Variants in NSDHL observed in about 807,000 individuals in gnomAD.
NSDHL encodes the protein sterol-4-alpha-carboxylate 3-dehydrogenase, decarboxylating.
NSDHL carries 1 observed loss-of-function variant against 23.0 expected under a neutral mutation model. That is an observed-to-expected ratio of 0.04 (90% CI 0.02 to 0.21). The LOEUF is 0.21. Ranked by LOEUF, NSDHL falls within the 10% of genes least tolerant of loss-of-function variation. The pLI is 1.00. For missense variants in NSDHL, 237 were observed against 300.9 expected, an observed-to-expected ratio of 0.79 and a Z score of 1.57; for synonymous variants, 128 against 121.1, an observed-to-expected ratio of 1.06 and a Z score of -0.37.
At chrX:152,868,085 T>C (rs1235472748) in intron 7 of NSDHL, among the ~76,000 whole-genome samples, 1 of 110,521 alleles carries the variant, frequency 9.0e-6, no homozygotes, top group East Asian at 2.8e-4. Flanking sequence ...CCTCTGCCGT[T>C]TCCCCACTGA....
Position 152,865,887 on chromosome X carries a change from C to T in NSDHL, c.612C>T (p.Phe204=), listed in dbSNP as rs782252634. 8.6e-5 allele frequency: 104 copies of T among 1,211,020 alleles called. 1 individual carries two copies. In the South Asian group the frequency reaches 1.6e-3, roughly 19 times the overall value. ...CAGCCATCCGCCCTCATGGCATTTT[C>T]GGCCCAAGGGACCCGCAGTTGGTAC... ...LTTAIRPHGI[F]GPRDPQLVPI... Residue 204 remains phenylalanine, a synonymous_variant, in exon 6 of 8, where the codon TTC becomes TTT. Coordinates refer to ENST00000370274, the MANE Select transcript of NSDHL (RefSeq NM_015922.3).
chrX:152,840,558 G>C (rs891984879), intron 1 of NSDHL, among the ~76,000 whole-genome samples: 2 of 112,224 alleles, frequency 1.8e-5, no homozygotes, highest in Admixed American at 1.9e-4. Flanking sequence ...TAACAGTCAG[G>C]TCACTCAGCT....
chrX:152,869,241 A>G lies in NSDHL; in HGVS notation c.*125A>G. The G allele has an allele frequency of 1.7e-6, 1 of 583,181 alleles. No homozygotes were observed. The highest frequency in any genetic ancestry group is 2.9e-6 in the Non-Finnish European group (1 of 348,050). The allele number at this position is 583,181 out of a possible 1,213,427, so 48.1% of individuals were successfully genotyped here. A position where few individuals can be genotyped will look rare whatever the true frequency, so the allele number is the denominator to read the frequency against. The stretch of plus-strand genomic sequence containing the variant: ...GCCTGTGACTCCTTCTGCTAGGCAG[A>G]GAGCGCACCCTACTCTTTCCGTGAC... On this transcript the variant is annotated 3_prime_UTR_variant, in exon 8 of 8. Coordinates refer to ENST00000370274, the MANE Select transcript of NSDHL (RefSeq NM_015922.3).
Position 152,869,087 on chromosome X carries a change from A to G in NSDHL, c.1093A>G (p.Ser365Gly). The G allele has an allele frequency of 8.3e-7, 1 of 1,211,534 alleles. No individual in the cohort carries two copies. The highest frequency in any genetic ancestry group is 1.1e-6 in the Non-Finnish European group (1 of 895,127). Residue 365 changes from serine (S) to glycine (G), a missense_variant, in exon 8 of 8, where the codon AGC becomes GGC. Physicochemically the swap from Ser to Gly is moderately conservative, Grantham distance 56 (BLOSUM62 0). This residue lies in a region of NSDHL where 117 missense variants were observed against 99.5 expected (regional missense o/e 1.18). Coordinates refer to ENST00000370274, the MANE Select transcript of NSDHL (RefSeq NM_015922.3). ...TGATGCTATGGAGAGGACCGTGCAGAGCTTTCGCCACCTGCGGAGGGTCAA... is the reference window on the plus strand; with the variant it reads ...TGATGCTATGGAGAGGACCGTGCAGGGCTTTCGCCACCTGCGGAGGGTCAA... Reference protein sequence around the residue: ...MDDAMERTVQSFRHLRRVK With the variant: ...MDDAMERTVQGFRHLRRVK
chrX:152,868,816 T>C lies in NSDHL; in HGVS notation c.822T>C (p.Pro274=). The C allele has an allele frequency of 8.3e-7, 1 of 1,211,449 alleles. No individual in the cohort carries two copies. Among genetic ancestry groups the C allele is most frequent in the Non-Finnish European group, 1.1e-6 (1 of 895,173 alleles). The change falls in exon 8 of 8, where the codon CCT becomes CCC. Residue 274 remains proline, a synonymous_variant. Coordinates refer to ENST00000370274, the MANE Select transcript of NSDHL (RefSeq NM_015922.3). The stretch of plus-strand genomic sequence containing the variant: ...ACATCACCAATGATGAGCCCATCCC[T>C]TTCTGGACATTCCTGTCTCGCATCC... The part of the protein sequence containing the change: ...AFHITNDEPI[P]FWTFLSRILT...
intron 3 of NSDHL, among the ~76,000 whole-genome samples, chrX:152,853,128 C>CGTGTGTGTGTGTGTGT (rs35307183): frequency 2.3e-3 from 226 of 97,155 alleles, no homozygotes; most frequent in African/African-American, 8.0e-3. Flanking sequence ...CTCTCAGGCA[C>CGTGTGTGTGTGTGTGT]GTGTGTGTGT....
At chrX:152,854,433 T>C (rs1007930997) in intron 3 of NSDHL, among the ~76,000 whole-genome samples, 2 of 110,016 alleles carry the variant, frequency 1.8e-5, no homozygotes, top group Non-Finnish European at 3.8e-5. Flanking sequence ...ATTTTTATTT[T>C]TTTAGACATA....
chrX:152,842,211 T>G (rs1292036920), intron 1 of NSDHL, among the ~76,000 whole-genome samples: 1 of 111,932 alleles, frequency 8.9e-6, no homozygotes, highest in Non-Finnish European at 1.9e-5. Context: ...TGCTTTTAGT[T>G]TTTGGGGGTA....
chrX:152,856,065 C>A (rs1556846921), intron 3 of NSDHL, among the ~76,000 whole-genome samples: 1 of 111,637 alleles, frequency 9.0e-6, no homozygotes, highest in African/African-American at 3.3e-5. Context: ...TAGTAGAAAC[C>A]ATGTTTATGG....
At chrX:152,861,444 G>A (rs782166037) in intron 4 of NSDHL, among the ~76,000 whole-genome samples, 55 of 112,877 alleles carry the variant, frequency 4.9e-4, no homozygotes, top group Non-Finnish European at 8.2e-4. Context: ...TCAGTGTACC[G>A]TAGATAAATC....
At chrX:152,838,740 A>G (rs1556844497) in intron 1 of NSDHL, among the ~76,000 whole-genome samples, 1 of 111,799 alleles carries the variant, frequency 8.9e-6, no homozygotes, top group African/African-American at 3.3e-5. Context: ...TTTTGGAATA[A>G]GTGTGATGTG....
In NSDHL at chrX:152,846,967, G is replaced by T. The variant is rs932479281; in HGVS notation, c.108+535G>T. Among the ~76,000 whole-genome samples the T allele has an allele frequency of 1.8e-4, 20 of 112,446 alleles. 2 individuals carry two copies. Among genetic ancestry groups the T allele is most frequent in the East Asian group, 1.7e-3 (6 of 3,592 alleles). ...TCCTGGAGATTCTTCACATCAGTCT[G>T]CAAAGGTTTGCTTTGATTGATTCTT... On this transcript the variant is annotated intron_variant, in intron 2 of 7. Coordinates refer to ENST00000370274, the MANE Select transcript of NSDHL (RefSeq NM_015922.3).
chrX:152,867,407 C>T (rs1368098546), intron 6 of NSDHL, among the ~76,000 whole-genome samples, 164 bp from the exon 7 acceptor site: 2 of 112,460 alleles, frequency 1.8e-5, no homozygotes, highest in Non-Finnish European at 3.8e-5. Context: ...CAGTGTACAT[C>T]TTTAACCAGT....
At chrX:152,831,179 G>T (rs1248965521) in intron 1 of NSDHL, 62 bp downstream of exon 1, 1 of 296,609 alleles carries the variant, frequency 3.4e-6, no homozygotes, top group African/African-American at 2.8e-5. Context: ...AGTGCGGGAG[G>T]GTGGGGAGCT....
chrX:152,836,253 G>T (rs948324284), intron 1 of NSDHL, among the ~76,000 whole-genome samples: 5 of 112,082 alleles, frequency 4.5e-5, no homozygotes, highest in African/African-American at 6.5e-5. Flanking sequence ...CCTGTAGGTT[G>T]CCTGTTCACT....
chrX:152,866,054 C>G (rs1933603388), intron 6 of NSDHL, 93 bp downstream of exon 6: 1 of 998,560 alleles, frequency 1.0e-6, no homozygotes, highest in African/African-American at 1.9e-5. Flanking sequence ...CATTGTAGCT[C>G]TTTTCTTATG....
Position 152,846,287 on chromosome X carries a change from A to G in NSDHL, c.-38A>G, listed in dbSNP as rs1569472617. The G allele has an allele frequency of 9.7e-7, 1 of 1,026,590 alleles. No individual in the cohort carries two copies. The highest frequency in any genetic ancestry group is 1.4e-6 in the Non-Finnish European group (1 of 725,973). 84.6% of individuals were successfully genotyped at this position (1,026,590 alleles called of 1,213,427 possible). A position where few individuals can be genotyped will look rare whatever the true frequency, so the allele number is the denominator to read the frequency against. Reference sequence around the variant, plus strand: ...TCTCTAACTATGTCTTTAAGAAAAGAAAAGTTGATTACAAACGGGACCATA... The same window carrying G: ...TCTCTAACTATGTCTTTAAGAAAAGGAAAGTTGATTACAAACGGGACCATA... On this transcript the variant is annotated 5_prime_UTR_variant, in exon 2 of 8. Coordinates refer to ENST00000370274, the MANE Select transcript of NSDHL (RefSeq NM_015922.3).
intron 1 of NSDHL, among the ~76,000 whole-genome samples, chrX:152,837,848 G>T (rs149998480): frequency 0.1 from 11,645 of 111,360 alleles, 635 homozygotes; most frequent in African/African-American, 0.21. Flanking sequence ...TTTCTATTGA[G>T]TGGAATAGTT....
intron 1 of NSDHL, among the ~76,000 whole-genome samples, chrX:152,832,554 C>T (rs1016596379): frequency 4.5e-5 from 5 of 112,016 alleles, no homozygotes; most frequent in Admixed American, 9.4e-5. Flanking sequence ...GAGCCTGAAC[C>T]GTAAAGGGCT....
Sources: gnomAD v4.1 joint callset for allele counts (sites outside exome capture counted in the v4.1 genomes callset) on GRCh38, gnomAD v4.1.1 for gene constraint, gnomAD v4.1.1 regional missense constraint, MANE v1.5 for transcripts, NCBI Gene and HGNC (gene_info 2026-07-23, HGNC 2026-07-21) for gene names.